Variants in CLMN observed in about 807,000 individuals in gnomAD.
The protein encoded by CLMN is calmin (calponin-like, transmembrane).
Under a neutral mutation model 92.7 loss-of-function variants are expected in CLMN, and 57 were observed. The observed-to-expected ratio is 0.61, with a 90% CI of 0.50 to 0.77. The LOEUF is 0.77. Among genes scored for constraint, CLMN ranks in the 30% least tolerant of loss-of-function variants. The pLI, the probability that CLMN is intolerant of heterozygous loss-of-function variation, is 0.00. For missense variants in CLMN, 1,158 were observed against 1,237.5 expected (o/e 0.94, Z 0.96); for synonymous variants, 466 against 470.6 (o/e 0.99, Z 0.13).
At chr14:95,210,937 G>T in intron 6 of CLMN, 58 bp from the exon 7 acceptor site, 1 of 1,465,932 alleles carries the variant, frequency 6.8e-7, no homozygotes, top group Non-Finnish European at 9.0e-7. Flanking sequence ...ACTCAAAGGT[G>T]CAAGGTCAGC....
chr14:95,236,246 G>A (rs1898051643), intron 1 of CLMN, among the ~76,000 whole-genome samples: 2 of 152,214 alleles, frequency 1.3e-5, no homozygotes, highest in East Asian at 3.9e-4. Flanking sequence ...GGTGCTGTGT[G>A]GTGCACCTCC....
In CLMN at chr14:95,187,674, A is replaced by T. The variant is rs1896471902; in HGVS notation, c.*3890T>A. 1 of 152,366 alleles carries T rather than the reference A, an allele frequency of 6.6e-6. No homozygotes were observed. The highest frequency in any genetic ancestry group is 1.5e-5 in the Non-Finnish European group (1 of 68,174). 9.4% of individuals were successfully genotyped at this position (152,366 alleles called of 1,614,324 possible). ...GTTGAAGCAACTTAATGAAAGTCTA[A>T]ATACTCACGGGTGATGAGGCTGCCT... On this transcript the variant is annotated 3_prime_UTR_variant, in exon 13 of 13. Coordinates refer to ENST00000298912, the MANE Select transcript of CLMN (RefSeq NM_024734.4).
intron 1 of CLMN, among the ~76,000 whole-genome samples, chr14:95,249,758 A>AT (rs938748237): frequency 7.2e-5 from 11 of 151,756 alleles, no homozygotes; most frequent in African/African-American, 9.7e-5. Context: ...CACCCAGCTA[A>AT]TTTTTTTTGT....
chr14:95,281,555 T>C (rs1900144384), intron 1 of CLMN, among the ~76,000 whole-genome samples: 1 of 152,210 alleles, frequency 6.6e-6, no homozygotes, highest in African/African-American at 2.4e-5. Flanking sequence ...AGCCAACCAG[T>C]GATCACTGGC....
intron 1 of CLMN, among the ~76,000 whole-genome samples, chr14:95,290,629 C>T (rs574500650): frequency 2.1e-4 from 32 of 152,310 alleles, no homozygotes; most frequent in Non-Finnish European, 2.9e-4. Context: ...TCAGAAGGAA[C>T]GCAGTATTAC....
Position 95,185,947 on chromosome 14 carries a change from G to GT in CLMN, c.*5616dup, listed in dbSNP as rs1314623922. ...AGCCATGATGGATTCTGACATTTTC[G>GT]TAAGACACATCTGTACTTGCTAATT... is the stretch of plus-strand genomic sequence containing the variant. On this transcript the variant is annotated 3_prime_UTR_variant, in exon 13 of 13. Coordinates refer to ENST00000298912, the MANE Select transcript of CLMN (RefSeq NM_024734.4). The GT allele has an allele frequency of 5.9e-5, 9 of 152,198 alleles. No individual in the cohort carries two copies. The highest frequency in any genetic ancestry group is 2.2e-4 in the African/African-American group (9 of 41,440). 9.4% of individuals were successfully genotyped at this position (152,198 alleles called of 1,614,324 possible).
chr14:95,319,661 C>A (rs1240986015), intron 1 of CLMN, 50 bp downstream of exon 1: 1 of 1,472,568 alleles, frequency 6.8e-7, no homozygotes, highest in Non-Finnish European at 9.2e-7. Context: ...AGCGGCGCCC[C>A]GGGCCCCCCG....
intron 1 of CLMN, among the ~76,000 whole-genome samples, chr14:95,280,434 G>A (rs1202675278): frequency 6.6e-6 from 1 of 152,132 alleles, no homozygotes; most frequent in Non-Finnish European, 1.5e-5. Context: ...AAAAAGAAGG[G>A]AAATAAAAGA....
chr14:95,279,480 G>A (rs1333997916), intron 1 of CLMN, among the ~76,000 whole-genome samples: 2 of 152,154 alleles, frequency 1.3e-5, no homozygotes, highest in Admixed American at 1.3e-4. Context: ...TCCACACCTG[G>A]TACATAATTA....
At position 95,203,477 on chromosome 14, in the gene CLMN, A is replaced by G; in HGVS notation, c.1872T>C (p.Val624=). The part of the protein sequence containing the change: ...HKKKDSPEPQ[V]KMDKHEPHQD... Reference sequence around the variant, plus strand: ...GATGAGGTTCATGTTTGTCCATCTTAACTTGAGGCTCTGGCGAATCCTTCT... The same window carrying G: ...GATGAGGTTCATGTTTGTCCATCTTGACTTGAGGCTCTGGCGAATCCTTCT... The change falls in exon 9 of 13, where the codon GTT becomes GTC. Residue 624 remains valine (V), a synonymous_variant. Coordinates refer to ENST00000298912, the MANE Select transcript of CLMN (RefSeq NM_024734.4). The G allele has an allele frequency of 6.2e-7, 1 of 1,614,004 alleles. No individual in the cohort carries two copies. The highest frequency in any genetic ancestry group is 8.5e-7 in the Non-Finnish European group (1 of 1,179,998).
At chr14:95,235,537 G>A (rs962319312) in intron 1 of CLMN, among the ~76,000 whole-genome samples, 18 of 152,152 alleles carry the variant, frequency 1.2e-4, no homozygotes, top group Admixed American at 6.5e-5. Context: ...ACAATTAAGT[G>A]AGATATTGCA....
intron 4 of CLMN, among the ~76,000 whole-genome samples, chr14:95,219,767 G>A (rs1392544192): frequency 6.6e-6 from 1 of 152,196 alleles, no homozygotes; most frequent in Non-Finnish European, 1.5e-5. Context: ...TTAATGAACA[G>A]GGGGTAGGCT....
intron 1 of CLMN, among the ~76,000 whole-genome samples, chr14:95,240,443 C>T (rs1411973292): frequency 6.6e-6 from 1 of 152,082 alleles, no homozygotes; most frequent in Non-Finnish European, 1.5e-5. Context: ...CTCCATGCCT[C>T]GTGACCACTG....
chr14:95,193,853 T>C lies in CLMN; in HGVS notation c.2836A>G (p.Thr946Ala), dbSNP rs773969322. 3.1e-6 allele frequency: 5 copies of C among 1,614,046 alleles called. No homozygotes were observed. The Admixed American group carries it at 5.0e-5, about 16-fold the overall frequency. Residue 946 changes from threonine to alanine, a missense_variant, in exon 12 of 13, where the codon ACC becomes GCC. Coordinates refer to ENST00000298912, the MANE Select transcript of CLMN (RefSeq NM_024734.4). ...ACCTGAAGTAAAGCCACCAACCTGG[T>C]TAATATTCGGTTTCTTCTGTCATCC... Reference protein sequence around the residue: ...DLDDRRNRILTRKANSSGEAM... With the variant: ...DLDDRRNRILARKANSSGEAM...
At chr14:95,286,116 T>C (rs1900331897) in intron 1 of CLMN, among the ~76,000 whole-genome samples, 1 of 152,242 alleles carries the variant, frequency 6.6e-6, no homozygotes, top group African/African-American at 2.4e-5. Context: ...TATTAATTAT[T>C]TCAGGTGTGA....
intron 1 of CLMN, among the ~76,000 whole-genome samples, chr14:95,293,273 CTTCT>C (rs370490321): frequency 0.13 from 6,692 of 51,210 alleles, 1,297 homozygotes; most frequent in East Asian, 0.32. Flanking sequence ...TCCCTCCCTC[CTTCT>C]TTTCCTCCCT....
intron 1 of CLMN, among the ~76,000 whole-genome samples, chr14:95,230,916 C>A (rs996748976): frequency 6.6e-6 from 1 of 152,226 alleles, no homozygotes; most frequent in Non-Finnish European, 1.5e-5. Context: ...CAGGAATGGA[C>A]CCCTTCTCCC....
chr14:95,197,820 C>A (rs900539696), intron 9 of CLMN, among the ~76,000 whole-genome samples: 1 of 151,946 alleles, frequency 6.6e-6, no homozygotes, highest in Non-Finnish European at 1.5e-5. Flanking sequence ...AGCATTAGAG[C>A]GGCCAGGCCA....
chr14:95,184,497 T>C lies in CLMN; in HGVS notation c.*7067A>G, dbSNP rs745606242. On this transcript the variant is annotated 3_prime_UTR_variant, in exon 13 of 13. Transcript: ENST00000298912. ...ACAGTACAAAATACTGGTTGTCTTT[T>C]TCCCATAGACAAGAATGTTTTTTGG... 2.0e-5 allele frequency: 3 copies of C among 152,248 alleles called. No individual in the cohort carries two copies. The highest frequency in any genetic ancestry group is 4.4e-5 in the Non-Finnish European group (3 of 68,048). 9.4% of individuals were successfully genotyped at this position (152,248 alleles called of 1,614,324 possible). A position where few individuals can be genotyped will look rare whatever the true frequency, so the allele number is the denominator to read the frequency against.
Sources: allele counts gnomAD v4.1 joint callset (sites outside exome capture counted in the v4.1 genomes callset), GRCh38; gene constraint gnomAD v4.1.1; transcripts MANE v1.5; gene names NCBI Gene and HGNC (gene_info 2026-07-23, HGNC 2026-07-21).